Variants in ATRNL1 observed in about 807,000 individuals in gnomAD.
ATRNL1 encodes attractin like 1.
A neutral mutation model predicts 182.7 loss-of-function variants in ATRNL1; 95 were observed. The observed-to-expected ratio is 0.52, with a 90% confidence interval of 0.44 to 0.62. The LOEUF (loss-of-function observed/expected upper bound fraction) is 0.62. Among genes scored for constraint, ATRNL1 ranks in the 20% least tolerant of loss-of-function variants. The probability of loss-of-function intolerance (pLI) is 0.00; values close to 1 mark genes in which losing one functional copy is unlikely to be tolerated. For missense variants in ATRNL1, 1,471 were observed against 1,679.5 expected, an observed-to-expected ratio of 0.88 and a Z score of 2.17; for synonymous variants, 576 against 568.3, an observed-to-expected ratio of 1.01 and a Z score of -0.19.
Position 115,555,718 on chromosome 10 carries a change from A to T in ATRNL1, c.3795+6182A>T, listed in dbSNP as rs11197298. ...ATGACATAGTTTGTATGATGTTTCT[A>T]TTTGTATAAATCACACATGCACAAG... On this transcript the variant is annotated intron_variant, in intron 26 of 28. Coordinates refer to ENST00000355044, the MANE Select transcript of ATRNL1 (RefSeq NM_207303.4). Among the ~76,000 whole-genome samples the T allele has an allele frequency of 4.2e-3, 632 of 152,046 alleles. 5 individuals are homozygous for T. The highest frequency in any genetic ancestry group is 0.015 in the African/African-American group (608 of 41,548).
intron 25 of ATRNL1, among the ~76,000 whole-genome samples, chr10:115,545,234 CAAAAAAAA>C (rs71010026): frequency 2.7e-3 from 257 of 94,860 alleles, no homozygotes; most frequent in Non-Finnish European, 4.2e-3. Context: ...GACTCCGTAT[CAAAAAAAA>C]AAAAAAAAAA....
intron 28 of ATRNL1, among the ~76,000 whole-genome samples, chr10:115,862,167 C>T (rs1319996302): frequency 6.6e-6 from 1 of 152,126 alleles, no homozygotes; most frequent in African/African-American, 2.4e-5. Flanking sequence ...TTCTTTAAGA[C>T]TGAAATTTTT....
intron 21 of ATRNL1, among the ~76,000 whole-genome samples, chr10:115,437,312 A>G (rs1467245352): frequency 7.9e-5 from 12 of 152,046 alleles, no homozygotes; most frequent in African/African-American, 2.4e-4. Flanking sequence ...TATCATAAGA[A>G]AGATAGGACG....
chr10:115,230,272 A>G (rs1448942120), intron 9 of ATRNL1, among the ~76,000 whole-genome samples: 2 of 152,228 alleles, frequency 1.3e-5, no homozygotes, highest in African/African-American at 4.8e-5. Flanking sequence ...GAGAAAAGAA[A>G]GCATGGAAGG....
chr10:115,519,184 T>C, intron 24 of ATRNL1, 79 bp from the exon 25 acceptor site: 1 of 1,177,752 alleles, frequency 8.5e-7, no homozygotes, highest in Non-Finnish European at 1.2e-6. Context: ...AGAAAAACTG[T>C]ATTTACAAAT....
chr10:115,342,498 A>G (rs1382082997), intron 19 of ATRNL1, among the ~76,000 whole-genome samples: 2 of 151,974 alleles, frequency 1.3e-5, no homozygotes, highest in African/African-American at 4.8e-5. Context: ...AACCTCATCC[A>G]TCTGCTTTTT....
At chr10:115,123,133 A>G (rs116189838) in intron 3 of ATRNL1, among the ~76,000 whole-genome samples, 2,354 of 152,298 alleles carry the variant, frequency 0.015, 52 homozygotes, top group African/African-American at 0.053. Flanking sequence ...GATTTAGTAT[A>G]TGGCTGTGAA....
At chr10:115,142,898 AAGAC>A (rs1411957153) in intron 5 of ATRNL1, among the ~76,000 whole-genome samples, 1 of 152,176 alleles carries the variant, frequency 6.6e-6, no homozygotes, top group African/African-American at 2.4e-5. Flanking sequence ...AGCAAATGGA[AAGAC>A]AGAGTTGTCA....
At chr10:115,814,417 A>C (rs1038466086) in intron 27 of ATRNL1, among the ~76,000 whole-genome samples, 27 of 152,284 alleles carry the variant, frequency 1.8e-4, no homozygotes, top group African/African-American at 4.1e-4. Flanking sequence ...CTTTAATAAT[A>C]ATACTTTTAT....
At chr10:115,588,815 G>A (rs1313456994) in intron 26 of ATRNL1, among the ~76,000 whole-genome samples, 1 of 152,196 alleles carries the variant, frequency 6.6e-6, no homozygotes, top group Non-Finnish European at 1.5e-5. Context: ...GTGCATCTAT[G>A]GAAGGAGGGA....
chr10:115,367,434 A>G (rs1223517581), intron 19 of ATRNL1, among the ~76,000 whole-genome samples: 12 of 142,718 alleles, frequency 8.4e-5, no homozygotes, highest in South Asian at 2.3e-4. Flanking sequence ...ATTTTTTTCA[A>G]AGTTTTCAAC....
At chr10:115,308,780 T>C (rs1374260226) in intron 17 of ATRNL1, among the ~76,000 whole-genome samples, 2 of 152,144 alleles carry the variant, frequency 1.3e-5, no homozygotes, top group Non-Finnish European at 2.9e-5. Flanking sequence ...TCCTTTTATG[T>C]ATTTTTGTTT....
chr10:115,791,892 A>G (rs1301517476), intron 27 of ATRNL1, among the ~76,000 whole-genome samples: 3 of 152,158 alleles, frequency 2.0e-5, no homozygotes, highest in Admixed American at 2.0e-4. Context: ...TCATTCCTGA[A>G]ACAAATTTAA....
chr10:115,714,390 T>C (rs1384064031), intron 26 of ATRNL1, among the ~76,000 whole-genome samples: 5 of 151,356 alleles, frequency 3.3e-5, no homozygotes, highest in African/African-American at 7.3e-5. Flanking sequence ...ATCTCACCAA[T>C]TGACTCCCAG....
At position 115,213,538 on chromosome 10, in the gene ATRNL1, A is replaced by G. The variant is rs188637265; in HGVS notation, c.1349-2159A>G. Among the ~76,000 whole-genome samples, 485 of 152,190 alleles carry G rather than the reference A, an allele frequency of 3.2e-3. 2 individuals carry two copies. The highest frequency in any genetic ancestry group is 0.01 in the Middle Eastern group (3 of 294). The stretch of plus-strand genomic sequence containing the variant: ...GGTGAGTGAGTGTCATGAGACACAC[A>G]TTCTCCAGTCCCTAGCCAGTCTGCC... On this transcript the variant is annotated intron_variant, in intron 8 of 28. Coordinates refer to ENST00000355044, the MANE Select transcript of ATRNL1 (RefSeq NM_207303.4).
At position 115,635,228 on chromosome 10, in the gene ATRNL1, T is replaced by A. The variant is rs553002055; in HGVS notation, c.3795+85692T>A. Among the ~76,000 whole-genome samples the A allele has an allele frequency of 7.9e-5, 12 of 152,072 alleles. No homozygotes were observed. In the East Asian group the frequency reaches 2.1e-3, roughly 27 times the overall value. ...CAAGCAATGGAGTGAGAGAAGGTAT[T>A]TTCAATACATAAATCTCATATTCAG... On this transcript the variant is annotated intron_variant, in intron 26 of 28. Coordinates refer to ENST00000355044, the MANE Select transcript of ATRNL1 (RefSeq NM_207303.4).
At chr10:115,419,795 G>A (rs768533628) in intron 20 of ATRNL1, among the ~76,000 whole-genome samples, 1 of 152,154 alleles carries the variant, frequency 6.6e-6, no homozygotes, top group Non-Finnish European at 1.5e-5. Flanking sequence ...TTTAAAGGGA[G>A]AGATAGACTG....
chr10:115,902,829 T>G (rs782624059), intron 28 of ATRNL1, among the ~76,000 whole-genome samples: 2 of 152,162 alleles, frequency 1.3e-5, no homozygotes, highest in Non-Finnish European at 2.9e-5. Context: ...TGACAGGTCT[T>G]TGCTGCAGTG....
intron 18 of ATRNL1, among the ~76,000 whole-genome samples, chr10:115,331,340 G>C (rs549553491): frequency 2.6e-5 from 4 of 152,178 alleles, no homozygotes; most frequent in African/African-American, 9.7e-5. Context: ...GATTATAGGC[G>C]TGAGCCACCG....
Sources: allele counts gnomAD v4.1 joint callset (sites outside exome capture counted in the v4.1 genomes callset), GRCh38; gene constraint gnomAD v4.1.1; transcripts MANE v1.5; gene names NCBI Gene and HGNC (gene_info 2026-07-23, HGNC 2026-07-21).